Variants in CELSR1 observed in about 807,000 individuals in gnomAD.
CELSR1 encodes the protein cadherin EGF LAG seven-pass G-type receptor 1, also known as adhesion G protein-coupled receptor C1.
Under a neutral mutation model 249.1 loss-of-function variants are expected in CELSR1, and 110 were observed. The ratio of observed to expected loss-of-function variants is 0.44; its 90% CI spans 0.38 to 0.52. CELSR1 has a LOEUF of 0.52. CELSR1 is among the 20% of genes least tolerant of loss of function. The probability of loss-of-function intolerance (pLI) is 0.00; values close to 1 mark genes in which losing one functional copy is unlikely to be tolerated. For synonymous variants in CELSR1, 2,113 were observed against 1,900.0 expected, an observed-to-expected ratio of 1.11 and a Z score of -2.92; for missense variants, 4,109 against 4,296.4, an observed-to-expected ratio of 0.96 and a Z score of 1.22.
chr22:46,430,875 C>G lies in CELSR1; in HGVS notation c.4611+2518G>C, dbSNP rs1051237287. Reference sequence around the variant, plus strand: ...ACTCGGAGACTAAGTCACGGAGCAGCAGTACTGTCTCCTTCTCGGGCTGGT... The same window carrying G: ...ACTCGGAGACTAAGTCACGGAGCAGGAGTACTGTCTCCTTCTCGGGCTGGT... On this transcript the variant is annotated intron_variant, in intron 5 of 34. Transcript: ENST00000674500. This position sits in a 1 kb window ranked among gnomAD's most constrained non-coding sequence, Gnocchi z 4.6. Among the ~76,000 whole-genome samples the G allele has an allele frequency of 2.0e-5, 3 of 152,326 alleles. No individual in the cohort carries two copies. Among genetic ancestry groups the G allele is most frequent in the Admixed American group, 2.0e-4 (3 of 15,308 alleles).
rs1467956675 is a variant in CELSR1, at chr22:46,399,673, G to A, written c.5412+44C>T. ...GGGTCATTCTGTTTTTCCCTGGGCC[G>A]GAGGAAGGGTCTATCCCCAGAGGAG... is the stretch of plus-strand genomic sequence containing the variant. On this transcript the variant is annotated intron_variant, in intron 10 of 34. Coordinates refer to ENST00000674500, the MANE Select transcript of CELSR1 (RefSeq NM_001378328.1). The surrounding 1 kb of genome is among the most constrained non-coding windows in gnomAD (Gnocchi z 5.0). 32 of 1,587,406 alleles carry A rather than the reference G, an allele frequency of 2.0e-5. No homozygotes were observed. Among genetic ancestry groups the A allele is most frequent in the African/African-American group, 1.2e-4 (9 of 74,426 alleles).
At chr22:46,458,019 G>A (rs966775721) in intron 2 of CELSR1, among the ~76,000 whole-genome samples, 6 of 152,228 alleles carry the variant, frequency 3.9e-5, no homozygotes, top group Admixed American at 2.0e-4. Context: ...TCTGTTGGGC[G>A]GAGGACGCTG....
Position 46,374,469 on chromosome 22 carries a change from G to A in CELSR1, c.7585-1412C>T, listed in dbSNP as rs1436187021. On this transcript the variant is annotated intron_variant, in intron 24 of 34. Transcript: ENST00000674500. This position sits in a 1 kb window ranked among gnomAD's most constrained non-coding sequence, Gnocchi z 4.3. ...AGCGCTCTGAGAGATGAAAAACCTC[G>A]CCCAGAGATAGGATTGTGGGTTTAC... Among the ~76,000 whole-genome samples, 1 of 152,114 alleles carries A rather than the reference G, an allele frequency of 6.6e-6. No homozygotes were observed. The highest frequency in any genetic ancestry group is 1.5e-5 in the Non-Finnish European group (1 of 68,018).
chr22:46,407,326 C>T lies in CELSR1; in HGVS notation c.5226+1670G>A, dbSNP rs912069160. The stretch of plus-strand genomic sequence containing the variant: ...GCACACACACTTGCACGGAGATATG[C>T]GCACACACACACACAAACTTGGAGA... On this transcript the variant is annotated intron_variant, in intron 9 of 34. Transcript: ENST00000674500. The surrounding 1 kb of genome is among the most constrained non-coding windows in gnomAD (Gnocchi z 4.8). Among the ~76,000 whole-genome samples, 1 of 152,010 alleles carries T rather than the reference C, an allele frequency of 6.6e-6. No individual in the cohort carries two copies. Among genetic ancestry groups the T allele is most frequent in the Non-Finnish European group, 1.5e-5 (1 of 68,032 alleles).
At position 46,410,597 on chromosome 22, in the gene CELSR1, C is replaced by T. The variant is rs773285666; in HGVS notation, c.4770-36G>A. Reference sequence around the variant, plus strand: ...AAAGCCATCTTCTGTGACGTCAGGGCGGGGAGAGGCGGCCACGGCGGGCTG... The same window carrying T: ...AAAGCCATCTTCTGTGACGTCAGGGTGGGGAGAGGCGGCCACGGCGGGCTG... On this transcript the variant is annotated intron_variant, in intron 6 of 34. Transcript: ENST00000674500. This position sits in a 1 kb window ranked among gnomAD's most constrained non-coding sequence, Gnocchi z 6.8. 5.2e-5 allele frequency: 84 copies of T among 1,600,910 alleles called. No individual in the cohort carries two copies. Among genetic ancestry groups the T allele is most frequent in the South Asian group, 1.2e-4 (11 of 90,860 alleles).
intron 1 of CELSR1, among the ~76,000 whole-genome samples, chr22:46,502,891 T>C (rs1316926966): frequency 6.6e-6 from 1 of 152,218 alleles, no homozygotes; most frequent in East Asian, 1.9e-4. Context: ...CAGCCACTGC[T>C]GACCTTAACA....
chr22:46,405,358 G>C (rs941525904), intron 9 of CELSR1, among the ~76,000 whole-genome samples: 1 of 151,214 alleles, frequency 6.6e-6, no homozygotes, highest in African/African-American at 2.4e-5. Flanking sequence ...TACTCGGGAG[G>C]CTGAGGCAGG....
At chr22:46,397,476 G>A (rs1416605074) in intron 12 of CELSR1, among the ~76,000 whole-genome samples, 198 bp downstream of exon 12, 2 of 151,966 alleles carry the variant, frequency 1.3e-5, no homozygotes, top group Non-Finnish European at 2.9e-5. Context: ...AGCGCCTGGG[G>A]CACTCTGTGC....
Position 46,381,825 on chromosome 22 carries a change from T to TGCCCCGTGC in CELSR1, c.7088+12_7088+20dup. 1 of 1,538,488 alleles carries TGCCCCGTGC rather than the reference T, an allele frequency of 6.5e-7. No individual in the cohort carries two copies. The highest frequency in any genetic ancestry group is 8.7e-7 in the Non-Finnish European group (1 of 1,145,352). On this transcript the variant is annotated intron_variant, in intron 21 of 34. Transcript: ENST00000674500. This position sits in a 1 kb window ranked among gnomAD's most constrained non-coding sequence, Gnocchi z 6.0. ...GCCTCCAGAACGGGCCCTCCCCGTG[T>TGCCCCGTGC]GCCCCGTGCCCAGGCCTTACCGGAG...
intron 9 of CELSR1, among the ~76,000 whole-genome samples, chr22:46,400,951 CA>C (rs35664137): frequency 1.8e-3 from 252 of 138,170 alleles, no homozygotes; most frequent in Admixed American, 1.7e-3. Flanking sequence ...GAACCTGTCT[CA>C]AAAAAAAAAA....
At position 46,506,548 on chromosome 22, in the gene CELSR1, A is replaced by T. The variant is rs2080517021; in HGVS notation, c.3544+27079T>A. On this transcript the variant is annotated intron_variant, in intron 1 of 34. Transcript: ENST00000674500. This position sits in a 1 kb window ranked among gnomAD's most constrained non-coding sequence, Gnocchi z 4.1. The stretch of plus-strand genomic sequence containing the variant: ...CCCCAGCCCCAGCCCCCCAAGTCTC[A>T]CAAGTCCAGAGAGCTGTCTCACCTC... Among the ~76,000 whole-genome samples, 1 of 152,146 alleles carries T rather than the reference A, an allele frequency of 6.6e-6. No homozygotes were observed. The highest frequency in any genetic ancestry group is 2.1e-4 in the South Asian group (1 of 4,828).
chr22:46,367,355 C>T (rs1425183119), intron 28 of CELSR1, among the ~76,000 whole-genome samples: 2 of 152,248 alleles, frequency 1.3e-5, no homozygotes, highest in Admixed American at 1.3e-4. Context: ...GCAGTGAGGG[C>T]CCCGGCTCAG....
At chr22:46,493,665 G>A (rs1002440943) in intron 1 of CELSR1, among the ~76,000 whole-genome samples, 2 of 152,160 alleles carry the variant, frequency 1.3e-5, no homozygotes. Flanking sequence ...GGGACCCAGT[G>A]GGAGGTAACT....
chr22:46,388,919 G>A (rs903931181), intron 18 of CELSR1, among the ~76,000 whole-genome samples: 2 of 152,214 alleles, frequency 1.3e-5, no homozygotes, highest in Non-Finnish European at 2.9e-5. Flanking sequence ...TTAGCTCTCT[G>A]TGCCTCTGTT....
At chr22:46,507,869 G>GA (rs397802957) in intron 1 of CELSR1, among the ~76,000 whole-genome samples, 5 of 151,748 alleles carry the variant, frequency 3.3e-5, no homozygotes, top group South Asian at 2.1e-4. Context: ...GGCACTGGGG[G>GA]GCTGCATGGA....
chr22:46,371,323 G>A (rs917691494), intron 25 of CELSR1, among the ~76,000 whole-genome samples: 1 of 152,112 alleles, frequency 6.6e-6, no homozygotes, highest in East Asian at 1.9e-4. Flanking sequence ...TGGCTGCTGG[G>A]TGCTGCCCTG....
Position 46,381,992 on chromosome 22 carries a change from C to CCCG in CELSR1, c.6941_6942insCGG (p.Gly2314dup). 1 of 1,564,782 alleles carries CCCG rather than the reference C, an allele frequency of 6.4e-7. No individual in the cohort carries two copies. The highest frequency in any genetic ancestry group is 8.6e-7 in the Non-Finnish European group (1 of 1,157,056). On this transcript the variant is annotated inframe_insertion, in exon 21 of 35. Transcript: ENST00000674500. The surrounding 1 kb of genome is among the most constrained non-coding windows in gnomAD (Gnocchi z 6.0). ...TCGGGGCCTCCCTCTCGGTGCCAGG[C>CCCG]CCCGGGCGCGTGGTCTGCGGGGTGG...
chr22:46,367,685 G>T (rs370682516), intron 28 of CELSR1, 44 bp downstream of exon 28: 1 of 1,565,186 alleles, frequency 6.4e-7, no homozygotes, highest in South Asian at 1.2e-5. Flanking sequence ...ATGGTGTCAC[G>T]GCGGCCAGGC....
chr22:46,525,273 A>G lies in CELSR1; in HGVS notation c.3544+8354T>C, dbSNP rs184930992. Among the ~76,000 whole-genome samples the G allele has an allele frequency of 1.8e-3, 271 of 152,280 alleles. 2 individuals are homozygous for G. The highest frequency in any genetic ancestry group is 6.4e-3 in the African/African-American group (264 of 41,546). On this transcript the variant is annotated intron_variant, in intron 1 of 34. Transcript: ENST00000674500. ...AGACCAGCCTGACCAACACGGAGAA[A>G]GCCCCATGTCTACTAAAAATACAAA...
Sources: allele counts gnomAD v4.1 joint callset (sites outside exome capture counted in the v4.1 genomes callset), GRCh38; gene constraint gnomAD v4.1.1; non-coding constraint Gnocchi (gnomAD v3.1); transcripts MANE v1.5; gene names NCBI Gene and HGNC (gene_info 2026-07-23, HGNC 2026-07-21).